TNFSF4: variants seen among roughly 807,000 people sequenced by gnomAD.
TNFSF4 encodes TNF superfamily member 4.
In TNFSF4, 4 loss-of-function variants were observed where a neutral mutation model predicts 7.3. That is an observed-to-expected ratio of 0.55 (90% CI 0.27 to 1.25). The LOEUF (loss-of-function observed/expected upper bound fraction) is 1.25. Among genes scored for constraint, TNFSF4 ranks in the 50% most tolerant of loss-of-function variants. The pLI is 0.12. For synonymous variants in TNFSF4, 76 were observed against 83.7 expected, an observed-to-expected ratio of 0.91 and a Z score of 0.50; for missense variants, 181 against 208.8, an observed-to-expected ratio of 0.87 and a Z score of 0.82.
At chr1:173,314,315 C>A in the TNFSF4 span, among the ~76,000 whole-genome samples, 1 of 152,198 alleles carries the variant, frequency 6.6e-6, no homozygotes, top group South Asian at 2.1e-4. Context: ...CTACAATTTA[C>A]TACTTATGAT....
At chr1:173,424,280 T>A in the TNFSF4 span, among the ~76,000 whole-genome samples, 1 of 152,356 alleles carries the variant, frequency 6.6e-6, no homozygotes, top group South Asian at 2.1e-4. Flanking sequence ...GTGCTTCTCA[T>A]GGGCAAGACT....
At chr1:173,242,751 A>C in the TNFSF4 span, among the ~76,000 whole-genome samples, 1 of 152,114 alleles carries the variant, frequency 6.6e-6, no homozygotes, top group East Asian at 1.9e-4. Flanking sequence ...ACCATGAGCC[A>C]CTGAACATGA....
At chr1:173,290,564 C>T in the TNFSF4 span, among the ~76,000 whole-genome samples, 2 of 152,062 alleles carry the variant, frequency 1.3e-5, no homozygotes, top group African/African-American at 4.8e-5. Flanking sequence ...TATATGCACC[C>T]AACATTCACA....
chr1:173,188,076 A>G (rs1649307800), intron 2 of TNFSF4, among the ~76,000 whole-genome samples: 1 of 152,216 alleles, frequency 6.6e-6, no homozygotes, highest in Admixed American at 6.5e-5. Flanking sequence ...GACCCAAACA[A>G]TCCTCTCTCT....
the TNFSF4 span, among the ~76,000 whole-genome samples, chr1:173,375,593 A>T: frequency 1.3e-5 from 2 of 152,002 alleles, no homozygotes; most frequent in Admixed American, 1.3e-4. Context: ...ACCAATCAGC[A>T]CTCTGTAAAA....
the TNFSF4 span, among the ~76,000 whole-genome samples, chr1:173,357,722 G>A: frequency 1.3e-5 from 2 of 152,036 alleles, no homozygotes; most frequent in African/African-American, 2.4e-5. Context: ...AGTAGAGAAG[G>A]GGGGTTTCTC....
the TNFSF4 span, among the ~76,000 whole-genome samples, chr1:173,228,682 A>T: frequency 6.6e-6 from 1 of 152,220 alleles, no homozygotes; most frequent in Non-Finnish European, 1.5e-5. Context: ...AAAACCTTGA[A>T]AAAAGATTAG....
intron 1 of TNFSF4, among the ~76,000 whole-genome samples, chr1:173,196,020 T>C (rs1201766860): frequency 6.6e-6 from 1 of 152,120 alleles, no homozygotes; most frequent in Non-Finnish European, 1.5e-5. Flanking sequence ...TCAGGGTGTG[T>C]CTCAAGGGGC....
the TNFSF4 span, among the ~76,000 whole-genome samples, chr1:173,381,710 C>T: frequency 6.6e-6 from 1 of 152,226 alleles, no homozygotes; most frequent in East Asian, 1.9e-4. Flanking sequence ...GCAGTCATTG[C>T]CCAATTCCCA....
chr1:173,405,906 T>G, the TNFSF4 span, among the ~76,000 whole-genome samples: 1 of 152,366 alleles, frequency 6.6e-6, no homozygotes, highest in East Asian at 1.9e-4. Flanking sequence ...CATTTTCAAC[T>G]GTGACTCATA....
the TNFSF4 span, among the ~76,000 whole-genome samples, chr1:173,310,264 T>C: frequency 3.9e-5 from 6 of 151,964 alleles, no homozygotes; most frequent in Non-Finnish European, 5.9e-5. Context: ...TGTCTTCTTT[T>C]CTACTGTATG....
chr1:173,244,633 C>A, the TNFSF4 span, among the ~76,000 whole-genome samples: 1 of 132,190 alleles, frequency 7.6e-6, no homozygotes, highest in Non-Finnish European at 1.5e-5. Context: ...CAGAGCGAGA[C>A]TCTGTCTCAA....
At chr1:173,435,683 GCAAT>G in the TNFSF4 span, among the ~76,000 whole-genome samples, 2 of 152,176 alleles carry the variant, frequency 1.3e-5, no homozygotes, top group African/African-American at 4.8e-5. Flanking sequence ...AATACAGTAT[GCAAT>G]CAATTTAAAA....
chr1:173,342,158 A>G, the TNFSF4 span, among the ~76,000 whole-genome samples: 6 of 152,314 alleles, frequency 3.9e-5, no homozygotes, highest in African/African-American at 1.2e-4. Flanking sequence ...GGCTTTGACC[A>G]GTAACAGGCA....
chr1:173,265,411 C>T, the TNFSF4 span, among the ~76,000 whole-genome samples: 1 of 152,132 alleles, frequency 6.6e-6, no homozygotes, highest in Admixed American at 6.5e-5. Flanking sequence ...CACTGCTGGT[C>T]CAGCGGGAAG....
chr1:173,258,291 C>T, the TNFSF4 span, among the ~76,000 whole-genome samples: 1 of 151,758 alleles, frequency 6.6e-6, no homozygotes, highest in Non-Finnish European at 1.5e-5. Flanking sequence ...CAGGTTCTCT[C>T]ATTGGGACTA....
At chr1:173,255,864 T>C in the TNFSF4 span, among the ~76,000 whole-genome samples, 4 of 152,174 alleles carry the variant, frequency 2.6e-5, no homozygotes, top group African/African-American at 9.7e-5. Context: ...GAGGGGAGGA[T>C]TGGTGTAGGT....
chr1:173,403,827 G>A, the TNFSF4 span, among the ~76,000 whole-genome samples: 11 of 151,966 alleles, frequency 7.2e-5, no homozygotes, highest in South Asian at 2.1e-4. Context: ...ACTTGAACCC[G>A]GGAGGCAGAG....
chr1:173,351,940 C>T, the TNFSF4 span: 5 of 525,382 alleles, frequency 9.5e-6, no homozygotes, highest in African/African-American at 5.8e-5. Context: ...GAACAGAAAG[C>T]CAAATCTCAC....
Sources: gnomAD v4.1 joint callset for allele counts (sites outside exome capture counted in the v4.1 genomes callset) on GRCh38, gnomAD v4.1.1 for gene constraint, MANE v1.5 for transcripts, NCBI Gene and HGNC (gene_info 2026-07-23, HGNC 2026-07-21) for gene names.